ELMO1: variants seen among roughly 807,000 people sequenced by gnomAD.
ELMO1 encodes engulfment and cell motility protein 1.
Under a neutral mutation model 98.9 loss-of-function variants are expected in ELMO1, and 26 were observed. The ratio of observed to expected loss-of-function variants is 0.26; its 90% CI spans 0.19 to 0.36. The LOEUF (loss-of-function observed/expected upper bound fraction) is 0.36. ELMO1 is among the 10% of genes least tolerant of loss of function. The pLI, the probability that ELMO1 is intolerant of heterozygous loss-of-function variation, is 1.00. For missense variants in ELMO1, 627 were observed against 935.2 expected (o/e 0.67, Z 4.30); for synonymous variants, 346 against 346.0 (o/e 1.00, Z 0.00).
At chr7:37,168,138 T>C (rs1789860116) in intron 13 of ELMO1, among the ~76,000 whole-genome samples, 1 of 152,210 alleles carries the variant, frequency 6.6e-6, no homozygotes, top group African/African-American at 2.4e-5. Flanking sequence ...CATTGGCTCC[T>C]GAGGCTTCTG....
chr7:37,421,729 T>C (rs1177239754), intron 1 of ELMO1, among the ~76,000 whole-genome samples: 5 of 152,196 alleles, frequency 3.3e-5, no homozygotes, highest in African/African-American at 1.2e-4. Flanking sequence ...TTATCAAAAC[T>C]AGATTGCAAT....
At chr7:36,960,250 T>C (rs562621252) in intron 16 of ELMO1, among the ~76,000 whole-genome samples, 154 of 152,278 alleles carry the variant, frequency 1.0e-3, no homozygotes, top group African/African-American at 3.2e-3. Context: ...TGGTCTACTG[T>C]CAGTTGATGA....
At chr7:37,188,442 A>G (rs1401207728) in intron 13 of ELMO1, among the ~76,000 whole-genome samples, 4 of 34,922 alleles carry the variant, frequency 1.1e-4, no homozygotes, top group Admixed American at 3.3e-4. Context: ...ACACACACAC[A>G]CACACACACG....
At chr7:37,309,079 T>A (rs1798765417) in intron 4 of ELMO1, among the ~76,000 whole-genome samples, 1 of 152,178 alleles carries the variant, frequency 6.6e-6, no homozygotes, top group Admixed American at 6.5e-5. Context: ...TATTAGTCCG[T>A]TCTCATGCTG....
chr7:37,441,624 C>G (rs550860915), intron 1 of ELMO1, among the ~76,000 whole-genome samples: 138 of 152,290 alleles, frequency 9.1e-4, no homozygotes, highest in Non-Finnish European at 1.5e-3. Context: ...TTGCTACCCA[C>G]CTCCCTCATT....
chr7:37,165,899 T>G (rs1006258698), intron 13 of ELMO1, among the ~76,000 whole-genome samples: 1 of 152,192 alleles, frequency 6.6e-6, no homozygotes, highest in Non-Finnish European at 1.5e-5. Flanking sequence ...TTGGAATAGT[T>G]TCAGAAGGAA....
At chr7:37,121,950 T>C (rs1221300296) in intron 14 of ELMO1, among the ~76,000 whole-genome samples, 2 of 152,182 alleles carry the variant, frequency 1.3e-5, no homozygotes, top group Non-Finnish European at 2.9e-5. Flanking sequence ...GCAGAAACTC[T>C]ACAAGCCAGA....
In ELMO1 at chr7:37,363,471, A is replaced by G. The variant is rs145963541; in HGVS notation, c.-73-20708T>C. Among the ~76,000 whole-genome samples the G allele has an allele frequency of 2.1e-3, 325 of 152,052 alleles. 4 individuals are homozygous for G. The highest frequency in any genetic ancestry group is 7.5e-3 in the African/African-American group (309 of 41,456). On this transcript the variant is annotated intron_variant, in intron 1 of 21. Coordinates refer to ENST00000310758, the MANE Select transcript of ELMO1 (RefSeq NM_014800.11). ...ATCTAACCAGGGCCCAACTGTCCAG[A>G]CCTCATCCCGCGCATCCATCCATCT...
intron 16 of ELMO1, among the ~76,000 whole-genome samples, chr7:36,955,788 C>T (rs940002028): frequency 1.3e-5 from 2 of 152,200 alleles, no homozygotes; most frequent in South Asian, 2.1e-4. Flanking sequence ...CCTTCCCTGA[C>T]ACCCTCTAGC....
chr7:37,157,172 A>G (rs1788836470), intron 13 of ELMO1, among the ~76,000 whole-genome samples: 2 of 152,212 alleles, frequency 1.3e-5, no homozygotes, highest in Admixed American at 1.3e-4. Flanking sequence ...ATCTCAAAAT[A>G]ATAAGAGCCA....
intron 15 of ELMO1, among the ~76,000 whole-genome samples, chr7:37,069,963 G>A (rs201211148): frequency 2.0e-5 from 3 of 152,154 alleles, no homozygotes; most frequent in East Asian, 3.9e-4. Context: ...GCTTGAAAAT[G>A]AGAATTTTAT....
At chr7:37,380,296 C>T (rs1802531752) in intron 1 of ELMO1, among the ~76,000 whole-genome samples, 1 of 152,160 alleles carries the variant, frequency 6.6e-6, no homozygotes, top group African/African-American at 2.4e-5. Context: ...TTTGTGTCTT[C>T]CTATTCCAAT....
chr7:37,417,457 C>T (rs1442589552), intron 1 of ELMO1, among the ~76,000 whole-genome samples: 1 of 152,104 alleles, frequency 6.6e-6, no homozygotes, highest in East Asian at 1.9e-4. Context: ...GTCAGCAGAT[C>T]GAGACCATCT....
At chr7:37,060,169 G>A (rs1209594321) in intron 15 of ELMO1, among the ~76,000 whole-genome samples, 1 of 152,190 alleles carries the variant, frequency 6.6e-6, no homozygotes, top group East Asian at 1.9e-4. Flanking sequence ...CCAGCAAGAG[G>A]CAAAGTGAAA....
chr7:37,096,987 G>A (rs564294055), intron 14 of ELMO1, among the ~76,000 whole-genome samples: 2 of 152,160 alleles, frequency 1.3e-5, no homozygotes, highest in Non-Finnish European at 2.9e-5. Flanking sequence ...GAGAAGCCTG[G>A]AGAGTGTTTT....
At chr7:37,384,524 T>C (rs1165219160) in intron 1 of ELMO1, among the ~76,000 whole-genome samples, 1 of 151,974 alleles carries the variant, frequency 6.6e-6, no homozygotes, top group African/African-American at 2.4e-5. Context: ...ATCAAGACCA[T>C]CCTGGCTAAC....
intron 1 of ELMO1, among the ~76,000 whole-genome samples, chr7:37,418,758 A>C (rs1804343136): frequency 6.6e-6 from 1 of 152,192 alleles, no homozygotes; most frequent in Non-Finnish European, 1.5e-5. Context: ...GAATCACAGA[A>C]GTCATCTCGC....
intron 10 of ELMO1, among the ~76,000 whole-genome samples, chr7:37,220,896 G>C (rs1285688918): frequency 6.6e-6 from 1 of 152,108 alleles, no homozygotes. Flanking sequence ...CTACCATGTG[G>C]CTGGGCCAGA....
chr7:36,941,547 C>G (rs907873882), intron 16 of ELMO1, among the ~76,000 whole-genome samples: 3 of 152,220 alleles, frequency 2.0e-5, no homozygotes, highest in Non-Finnish European at 2.9e-5. Flanking sequence ...CCTAGCATTT[C>G]ACAAACATTT....
Sources: gnomAD v4.1 joint callset for allele counts (sites outside exome capture counted in the v4.1 genomes callset) on GRCh38, gnomAD v4.1.1 for gene constraint, MANE v1.5 for transcripts, NCBI Gene and HGNC (gene_info 2026-07-23, HGNC 2026-07-21) for gene names.